MAP2: variants seen among roughly 807,000 people sequenced by gnomAD.
MAP2 encodes the protein microtubule-associated protein 2.
Under a neutral mutation model 137.6 loss-of-function variants are expected in MAP2, and 14 were observed. The observed-to-expected ratio is 0.10, with a 90% CI of 0.07 to 0.16. The LOEUF (loss-of-function observed/expected upper bound fraction) is 0.16, where lower values mean the gene tolerates loss of function less well. Ranked by LOEUF, MAP2 falls within the 10% of genes least tolerant of loss-of-function variation. The pLI is 1.00. For synonymous variants in MAP2, 786 were observed against 782.3 expected, an observed-to-expected ratio of 1.00 and a Z score of -0.08; for missense variants, 2,088 against 2,191.5, an observed-to-expected ratio of 0.95 and a Z score of 0.94.
intron 2 of MAP2, among the ~76,000 whole-genome samples, chr2:209,555,151 T>A (rs16843083): frequency 0.02 from 2,981 of 152,054 alleles, 91 homozygotes; most frequent in African/African-American, 0.068. Flanking sequence ...CATAATCCTA[T>A]CCTTCATTTT....
chr2:209,671,920 C>T (rs2153664457), intron 5 of MAP2, among the ~76,000 whole-genome samples: 1 of 152,002 alleles, frequency 6.6e-6, no homozygotes, highest in South Asian at 2.1e-4. Context: ...CACTCAGAAT[C>T]ACTCAGAAAC....
chr2:209,477,802 GC>G (rs1246935424), intron 1 of MAP2, among the ~76,000 whole-genome samples: 1 of 151,224 alleles, frequency 6.6e-6, no homozygotes, highest in Non-Finnish European at 1.5e-5. Context: ...TTCAAGACCA[GC>G]CTGGGCAACA....
intron 4 of MAP2, among the ~76,000 whole-genome samples, chr2:209,648,803 A>G (rs1022443535): frequency 7.0e-6 from 1 of 141,898 alleles, no homozygotes; most frequent in Non-Finnish European, 1.5e-5. Flanking sequence ...AAAAAAAAAA[A>G]GAAAGAAAGA....
At chr2:209,617,766 T>C (rs2089972755) in intron 3 of MAP2, among the ~76,000 whole-genome samples, 2 of 152,156 alleles carry the variant, frequency 1.3e-5, no homozygotes, top group South Asian at 4.2e-4. Flanking sequence ...AGGACTTCAA[T>C]ATATGAATGT....
chr2:209,657,205 C>A (rs2041351245), intron 5 of MAP2, among the ~76,000 whole-genome samples: 1 of 152,052 alleles, frequency 6.6e-6, no homozygotes, highest in Non-Finnish European at 1.5e-5. Flanking sequence ...TGATTCCATA[C>A]CTTTGCTATT....
At chr2:209,476,495 A>G (rs1333040615) in intron 1 of MAP2, among the ~76,000 whole-genome samples, 2 of 151,746 alleles carry the variant, frequency 1.3e-5, no homozygotes, top group Admixed American at 1.3e-4. Flanking sequence ...AAAGTGAAAT[A>G]TAGTATCCTG....
intron 2 of MAP2, among the ~76,000 whole-genome samples, chr2:209,572,026 G>C (rs1162177279): frequency 6.6e-6 from 1 of 151,550 alleles, no homozygotes; most frequent in Admixed American, 6.6e-5. Flanking sequence ...TCAAGATGGT[G>C]CATAATCCAA....
At chr2:209,724,533 A>T (rs1397429405) in intron 13 of MAP2, among the ~76,000 whole-genome samples, 1 of 151,846 alleles carries the variant, frequency 6.6e-6, no homozygotes, top group Non-Finnish European at 1.5e-5. Flanking sequence ...CTGTCTACTA[A>T]CTCTTTGGCT....
At chr2:209,728,410 AT>A (rs1467826649) in intron 14 of MAP2, among the ~76,000 whole-genome samples, 1 of 152,202 alleles carries the variant, frequency 6.6e-6, no homozygotes, top group East Asian at 1.9e-4. Context: ...ACTCTATAAA[AT>A]GAGGCATATT....
intron 5 of MAP2, among the ~76,000 whole-genome samples, chr2:209,657,660 T>G (rs575547838): frequency 1.3e-5 from 2 of 152,296 alleles, no homozygotes; most frequent in African/African-American, 2.4e-5. Flanking sequence ...TTGAATTCCT[T>G]AGTCCTTCGT....
intron 3 of MAP2, among the ~76,000 whole-genome samples, chr2:209,583,143 G>A (rs62213457): frequency 2.1e-4 from 20 of 94,022 alleles, no homozygotes; most frequent in African/African-American, 4.6e-4. Context: ...CCATCTGTCT[G>A]TCTGTCTATC....
chr2:209,533,889 C>G (rs778863665), intron 2 of MAP2, among the ~76,000 whole-genome samples: 1 of 152,078 alleles, frequency 6.6e-6, no homozygotes, highest in Non-Finnish European at 1.5e-5. Context: ...GTTGACAAAG[C>G]AAAAGATAGG....
At chr2:209,429,988 T>C (rs1574575922) in intron 1 of MAP2, among the ~76,000 whole-genome samples, 2 of 151,986 alleles carry the variant, frequency 1.3e-5, no homozygotes, top group African/African-American at 4.8e-5. Flanking sequence ...ACCTCTCAAA[T>C]TGGTAATTTT....
rs1260565938 is a variant in MAP2 at position 209,695,018 on chromosome 2, T to A, written c.2848T>A (p.Phe950Ile). Residue 950 changes from phenylalanine to isoleucine, a missense_variant, in exon 8 of 16, where the codon TTT (phenylalanine) becomes ATT (isoleucine). Physicochemically the swap from Phe to Ile is conservative, Grantham distance 21. Transcript: ENST00000682079. ...TGACAAATCAGGACTGAGTAAGGAG[T>A]TTGACCAAGAGAAGAAAGCTAATGA... ...SGDKSGLSKE[F>I]DQEKKANDRL... The A allele has an allele frequency of 3.1e-6, 5 of 1,613,556 alleles. No homozygotes were observed. Among genetic ancestry groups the A allele is most frequent in the Middle Eastern group, 1.6e-4 (1 of 6,084 alleles).
chr2:209,435,948 TATATATACA>T (rs1289030905), intron 1 of MAP2, among the ~76,000 whole-genome samples: 7 of 56,160 alleles, frequency 1.2e-4, no homozygotes, highest in East Asian at 2.0e-3. Context: ...TAATATATAC[TATATATACA>T]GTATATATTA....
At chr2:209,532,240 GAA>G (rs796126529) in intron 2 of MAP2, among the ~76,000 whole-genome samples, 1,465 of 72,610 alleles carry the variant, frequency 0.02, 19 homozygotes, top group African/African-American at 0.059. Context: ...CCAGTCTCAG[GAA>G]AAAAAAAAAA....
intron 2 of MAP2, among the ~76,000 whole-genome samples, chr2:209,527,392 A>T (rs769384477): frequency 2.4e-4 from 37 of 152,130 alleles, no homozygotes; most frequent in Non-Finnish European, 3.5e-4. Flanking sequence ...GGCACATCAT[A>T]GTTGCTCAAT....
At chr2:209,618,495 A>G (rs948966628) in intron 3 of MAP2, among the ~76,000 whole-genome samples, 14 of 152,290 alleles carry the variant, frequency 9.2e-5, no homozygotes, top group African/African-American at 2.9e-4. Flanking sequence ...CAACATGTGA[A>G]CCTGCTCAAT....
intron 1 of MAP2, among the ~76,000 whole-genome samples, chr2:209,460,844 G>A (rs1213542932): frequency 6.6e-6 from 1 of 152,004 alleles, no homozygotes; most frequent in African/African-American, 2.4e-5. Context: ...TGCCTCCCGG[G>A]TTCAAGTGAT....
Sources: gnomAD v4.1 joint callset for allele counts (sites outside exome capture counted in the v4.1 genomes callset) on GRCh38, gnomAD v4.1.1 for gene constraint, MANE v1.5 for transcripts, NCBI Gene and HGNC (gene_info 2026-07-23, HGNC 2026-07-21) for gene names.